Variants in HLCS observed in about 807,000 individuals in gnomAD.
HLCS encodes the protein holocarboxylase synthetase.
In HLCS, 53 loss-of-function variants were observed where a neutral mutation model predicts 75.0. The ratio of observed to expected loss-of-function variants is 0.71; its 90% CI spans 0.57 to 0.89. The LOEUF is 0.89. HLCS is among the 40% of genes least tolerant of loss of function. The pLI, the probability that HLCS is intolerant of heterozygous loss-of-function variation, is 0.00. For missense variants in HLCS, 966 were observed against 1,074.0 expected (o/e 0.90, Z 1.41); for synonymous variants, 431 against 428.6 (o/e 1.01, Z -0.07).
At chr21:36,784,015 C>G (rs1243156583) in intron 6 of HLCS, among the ~76,000 whole-genome samples, 1 of 152,152 alleles carries the variant, frequency 6.6e-6, no homozygotes, top group Non-Finnish European at 1.5e-5. Flanking sequence ...CTATAGATCT[C>G]AAGATTCTAC....
chr21:36,787,770 A>C (rs1049408836), intron 6 of HLCS, among the ~76,000 whole-genome samples: 2 of 152,178 alleles, frequency 1.3e-5, no homozygotes, highest in Non-Finnish European at 2.9e-5. Flanking sequence ...CATGACCCTA[A>C]GGAAAGTTAA....
At chr21:36,773,994 GA>G (rs573282834) in intron 6 of HLCS, among the ~76,000 whole-genome samples, 2 of 152,218 alleles carry the variant, frequency 1.3e-5, no homozygotes, top group South Asian at 2.1e-4. Flanking sequence ...CAATACGATT[GA>G]TTTTTTTTAA....
intron 6 of HLCS, among the ~76,000 whole-genome samples, chr21:36,835,272 C>G (rs1174927269): frequency 3.3e-5 from 5 of 152,120 alleles, no homozygotes; most frequent in African/African-American, 1.2e-4. Context: ...TTTTATGGAG[C>G]CAAGGATCTT....
chr21:36,767,732 A>C (rs569170917), intron 6 of HLCS, among the ~76,000 whole-genome samples: 168 of 152,270 alleles, frequency 1.1e-3, no homozygotes, highest in African/African-American at 3.6e-3. Flanking sequence ...TCATAACAGA[A>C]GTTTCTGATT....
Position 36,936,811 on chromosome 21 carries a change from C to T in HLCS, c.1075G>A (p.Asp359Asn). The T allele has an allele frequency of 6.2e-7, 1 of 1,614,198 alleles. No homozygotes were observed. Among genetic ancestry groups the T allele is most frequent in the Non-Finnish European group, 8.5e-7 (1 of 1,180,042 alleles). ...GCAATGACCAACAGCAGACAGTTGT[C>T]CGTCCACGGGTCTCTGAGAGCACTG... ...EDSALRDPWTDNCLLLVIATR... is the reference protein window; with the variant it reads ...EDSALRDPWTNNCLLLVIATR... The change falls in exon 4 of 11, where the codon GAC becomes AAC. Residue 359 changes from aspartate (D) to asparagine (N), a missense_variant. Transcript: ENST00000674895.
chr21:36,923,127 G>A (rs941697245), intron 5 of HLCS, among the ~76,000 whole-genome samples: 6 of 152,166 alleles, frequency 3.9e-5, no homozygotes, highest in African/African-American at 1.4e-4. Context: ...TCTCTAACCC[G>A]GCACCAGTAT....
At chr21:36,782,628 C>A (rs1017885041) in intron 6 of HLCS, among the ~76,000 whole-genome samples, 5 of 152,008 alleles carry the variant, frequency 3.3e-5, no homozygotes, top group African/African-American at 1.2e-4. Context: ...CATTACCGAA[C>A]AGCAAAGGAA....
chr21:36,798,923 A>G (rs1279490707), intron 6 of HLCS, among the ~76,000 whole-genome samples: 2 of 152,150 alleles, frequency 1.3e-5, no homozygotes, highest in East Asian at 3.9e-4. Context: ...TATTCTGGCT[A>G]TATGTCCTTT....
chr21:36,830,632 G>C (rs768046115), intron 6 of HLCS, among the ~76,000 whole-genome samples: 2 of 151,848 alleles, frequency 1.3e-5, no homozygotes, highest in Non-Finnish European at 2.9e-5. Flanking sequence ...CTAGGGGTTC[G>C]AGACCAGCCT....
intron 6 of HLCS, among the ~76,000 whole-genome samples, chr21:36,851,407 C>T (rs553441733): frequency 1.4e-4 from 21 of 152,206 alleles, no homozygotes; most frequent in Non-Finnish European, 2.8e-4. Context: ...GGTCATTATG[C>T]TCAGTGAAAT....
At chr21:36,890,293 T>G (rs1330601893) in intron 6 of HLCS, among the ~76,000 whole-genome samples, 1 of 152,014 alleles carries the variant, frequency 6.6e-6, no homozygotes, top group East Asian at 1.9e-4. Flanking sequence ...CTGACAATAG[T>G]GTGGAAAAGC....
chr21:36,778,058 T>A (rs887181384), intron 6 of HLCS, among the ~76,000 whole-genome samples: 3 of 152,140 alleles, frequency 2.0e-5, no homozygotes, highest in African/African-American at 7.2e-5. Context: ...AAGCTCCACC[T>A]CCCGGGTTCA....
intron 6 of HLCS, among the ~76,000 whole-genome samples, chr21:36,770,141 CTTTTTTTTTTT>C (rs902358188): frequency 2.9e-5 from 3 of 103,632 alleles, no homozygotes; most frequent in Non-Finnish European, 5.6e-5. Context: ...ACTATAGATG[CTTTTTTTTTTT>C]TTTTTTTTTT....
At chr21:36,915,523 G>A (rs2065893673) in intron 5 of HLCS, among the ~76,000 whole-genome samples, 1 of 152,156 alleles carries the variant, frequency 6.6e-6, no homozygotes, top group East Asian at 1.9e-4. Context: ...AGGAGAGAGG[G>A]GAGCGGCGTC....
intron 2 of HLCS, among the ~76,000 whole-genome samples, chr21:36,958,364 C>A (rs2068090544): frequency 6.6e-6 from 1 of 152,150 alleles, no homozygotes; most frequent in African/African-American, 2.4e-5. Context: ...TTGACTGGAC[C>A]TAGGTTAATA....
Position 36,957,877 on chromosome 21 carries a change from C to T in HLCS, c.330+4159G>A, listed in dbSNP as rs543430731. Reference sequence around the variant, plus strand: ...CCGGGAGGCAGAGCTTGCAGTGAGCCGAGATCGCGCCACTGCACTTCGGCC... The same window carrying T: ...CCGGGAGGCAGAGCTTGCAGTGAGCTGAGATCGCGCCACTGCACTTCGGCC... On this transcript the variant is annotated intron_variant, in intron 2 of 10. Transcript: ENST00000674895. Among the ~76,000 whole-genome samples the T allele has an allele frequency of 5.7e-4, 84 of 146,616 alleles. No homozygotes were observed. The East Asian group carries it at 0.017, about 30-fold the overall frequency.
upstream of HLCS, among the ~76,000 whole-genome samples, chr21:36,967,866 C>T (rs966975610): frequency 3.3e-5 from 5 of 151,884 alleles, no homozygotes; most frequent in African/African-American, 9.7e-5. Context: ...ATTACAGGTG[C>T]CCGTCACCAT....
At chr21:36,823,287 A>C (rs996172424) in intron 6 of HLCS, among the ~76,000 whole-genome samples, 1 of 152,234 alleles carries the variant, frequency 6.6e-6, no homozygotes. Context: ...AAGAGGTGAC[A>C]GTCATCTGTG....
chr21:36,834,458 T>C (rs933155428), intron 6 of HLCS, among the ~76,000 whole-genome samples: 1 of 152,172 alleles, frequency 6.6e-6, no homozygotes, highest in African/African-American at 2.4e-5. Context: ...GAGAGGCCAA[T>C]CCCAAGAGTG....
Sources: gnomAD v4.1 joint callset for allele counts (sites outside exome capture counted in the v4.1 genomes callset) on GRCh38, gnomAD v4.1.1 for gene constraint, MANE v1.5 for transcripts, NCBI Gene and HGNC (gene_info 2026-07-23, HGNC 2026-07-21) for gene names.